The following ATF2 variants were observed in gnomAD, a reference collection of about 807,000 sequenced individuals.
The protein encoded by ATF2 is cyclic AMP-dependent transcription factor ATF-2.
A neutral mutation model predicts 60.6 loss-of-function variants in ATF2; 24 were observed. The ratio of observed to expected loss-of-function variants is 0.40; its 90% CI spans 0.29 to 0.56. The LOEUF is 0.56. Ranked by LOEUF, ATF2 falls within the 20% of genes least tolerant of loss-of-function variation. The probability of loss-of-function intolerance (pLI) is 0.54; values close to 1 mark genes in which losing one functional copy is unlikely to be tolerated. For synonymous variants in ATF2, 206 were observed against 215.4 expected (o/e 0.96, Z 0.38); for missense variants, 433 against 607.7 (o/e 0.71, Z 3.02).
At chr2:175,167,916 G>C in intron 1 of ATF2, 134 bp downstream of exon 1, 1 of 369,292 alleles carries the variant, frequency 2.7e-6, no homozygotes, top group Non-Finnish European at 5.6e-6. Flanking sequence ...GGGCTAAGGA[G>C]CACGTCAGGA....
At chr2:175,139,745 A>G (rs1191672125) in intron 2 of ATF2, among the ~76,000 whole-genome samples, 1 of 152,166 alleles carries the variant, frequency 6.6e-6, no homozygotes, top group Admixed American at 6.5e-5. Context: ...AAGTGTAAAC[A>G]GATGATTTTT....
chr2:175,117,923 A>G, intron 7 of ATF2, 67 bp downstream of exon 7: 1 of 1,468,600 alleles, frequency 6.8e-7, no homozygotes, highest in South Asian at 1.4e-5. Flanking sequence ...TTTTATGGAG[A>G]TTAAATAGTA....
chr2:175,075,880 A>T (rs986623871), intron 13 of ATF2, among the ~76,000 whole-genome samples: 1 of 152,222 alleles, frequency 6.6e-6, no homozygotes, highest in African/African-American at 2.4e-5. Context: ...CATTTTAAAA[A>T]CAGTATCACA....
chr2:175,118,033 T>A lies in ATF2; in HGVS notation c.404A>T (p.Asp135Val). 6 of 1,612,172 alleles carry A rather than the reference T, an allele frequency of 3.7e-6. No individual in the cohort carries two copies. The highest frequency in any genetic ancestry group is 5.1e-6 in the Non-Finnish European group (6 of 1,178,750). Reference sequence around the variant, plus strand: ...AGACTCTGGGTGAGGTAAAGGACTATCCTGGTGAGTTGTTTCTACAACAGA... The same window carrying A: ...AGACTCTGGGTGAGGTAAAGGACTAACCTGGTGAGTTGTTTCTACAACAGA... ...EPSVVETTHQ[D>V]SPLPHPESTT... The change falls in exon 7 of 14, where the codon GAT becomes GTT. Residue 135 changes from aspartate (D) to valine (V), a missense_variant. Physicochemically the swap from Asp to Val is radical, Grantham distance 152. Around this residue, in one of 5 missense-constraint regions of ATF2, gnomAD observed 246 missense variants for 309.3 expected, o/e 0.80. Coordinates refer to ENST00000264110, the MANE Select transcript of ATF2 (RefSeq NM_001880.4).
chr2:175,142,835 A>AGAGTGT (rs1553514079), intron 2 of ATF2, among the ~76,000 whole-genome samples: 4 of 140,394 alleles, frequency 2.8e-5, no homozygotes, highest in South Asian at 2.2e-4. Flanking sequence ...CAAGAGAGAG[A>AGAGTGT]GTGTGTGTGT....
rs770812859 is a variant in ATF2 at position 175,130,219 on chromosome 2, C to T, written c.33-12G>A. The T allele has an allele frequency of 1.3e-6, 2 of 1,518,888 alleles. No individual in the cohort carries two copies. The highest frequency in any genetic ancestry group is 4.6e-5 in the East Asian group (2 of 43,238). 94.1% of individuals were successfully genotyped at this position (1,518,888 alleles called of 1,614,324 possible). On this transcript the variant is annotated splice_polypyrimidine_tract_variant and intron_variant, in intron 3 of 13. Coordinates refer to ENST00000264110, the MANE Select transcript of ATF2 (RefSeq NM_001880.4). ...GGTCCTTGTATTGCCTATAATCAAACAGAAGACACTTTAGAGTACATATTT... is the reference window on the plus strand; with the variant it reads ...GGTCCTTGTATTGCCTATAATCAAATAGAAGACACTTTAGAGTACATATTT...
At chr2:175,101,464 C>T (rs1371374508) in intron 10 of ATF2, among the ~76,000 whole-genome samples, 1 of 151,770 alleles carries the variant, frequency 6.6e-6, no homozygotes, top group Non-Finnish European at 1.5e-5. Context: ...TTAAAATGTG[C>T]ACAAATATAA....
intron 10 of ATF2, among the ~76,000 whole-genome samples, chr2:175,100,552 G>A (rs757124722): frequency 2.0e-5 from 3 of 152,144 alleles, no homozygotes; most frequent in African/African-American, 4.8e-5. Flanking sequence ...TTTATTCAAA[G>A]ACCTGTGCTA....
chr2:175,088,169 A>T (rs1694294059), intron 12 of ATF2, among the ~76,000 whole-genome samples: 1 of 152,182 alleles, frequency 6.6e-6, no homozygotes, highest in Non-Finnish European at 1.5e-5. Context: ...TTCAAATGTA[A>T]GTATTAGATC....
At chr2:175,135,639 G>A (rs961181363) in intron 3 of ATF2, among the ~76,000 whole-genome samples, 2 of 152,148 alleles carry the variant, frequency 1.3e-5, no homozygotes, top group African/African-American at 4.8e-5. Context: ...GAGGGTTGCT[G>A]TTTTCCATTA....
chr2:175,163,277 C>A (rs1314085797), intron 1 of ATF2, among the ~76,000 whole-genome samples: 2 of 151,958 alleles, frequency 1.3e-5, no homozygotes, highest in African/African-American at 4.8e-5. Flanking sequence ...ACAAAGGTTT[C>A]GGTTCTGCTA....
At chr2:175,111,847 T>C (rs962218479) in intron 9 of ATF2, among the ~76,000 whole-genome samples, 193 bp from the exon 10 acceptor site, 55 of 142,006 alleles carry the variant, frequency 3.9e-4, no homozygotes, top group African/African-American at 1.6e-3. Flanking sequence ...TGTCAATTTC[T>C]GAGACGTGTG....
intron 4 of ATF2, among the ~76,000 whole-genome samples, chr2:175,121,836 G>T (rs1056617958): frequency 2.0e-5 from 3 of 151,680 alleles, no homozygotes; most frequent in African/African-American, 7.2e-5. Flanking sequence ...ATTTCTTATG[G>T]ATACTAAAAA....
intron 2 of ATF2, among the ~76,000 whole-genome samples, chr2:175,149,088 A>G (rs1199722893): frequency 6.6e-6 from 1 of 152,072 alleles, no homozygotes; most frequent in African/African-American, 2.4e-5. Context: ...TCAACAGGAT[A>G]GAAGATTAAG....
intron 11 of ATF2, among the ~76,000 whole-genome samples, chr2:175,097,194 A>G (rs1153683): frequency 0.094 from 14,270 of 152,256 alleles, 721 homozygotes; most frequent in Middle Eastern, 0.17. Flanking sequence ...GTTTTCTTTA[A>G]AAAGAATTGT....
chr2:175,165,001 C>T (rs1700257981), intron 1 of ATF2, among the ~76,000 whole-genome samples: 2 of 152,026 alleles, frequency 1.3e-5, no homozygotes, highest in African/African-American at 2.4e-5. Flanking sequence ...GGATTGCAGG[C>T]GCCTACCAAC....
chr2:175,076,638 T>C (rs1355706282), intron 13 of ATF2, among the ~76,000 whole-genome samples: 1 of 151,996 alleles, frequency 6.6e-6, no homozygotes, highest in Non-Finnish European at 1.5e-5. Flanking sequence ...ATAGCCAATA[T>C]AATCATTACA....
rs1450911698 is a variant in ATF2, at chr2:175,084,314, T to C, written c.1186-3549A>G. On this transcript the variant is annotated intron_variant, in intron 12 of 13. Transcript: ENST00000264110. The stretch of plus-strand genomic sequence containing the variant: ...TACACCATGGAATACTATGCAGCCA[T>C]AAAAAATGATGTGTTCATGTCCTTT... Among the ~76,000 whole-genome samples, 3 of 151,696 alleles carry C rather than the reference T, an allele frequency of 2.0e-5. No individual in the cohort carries two copies. In the East Asian group the frequency reaches 5.8e-4, roughly 29 times the overall value.
At chr2:175,102,846 G>A (rs1695399581) in intron 10 of ATF2, among the ~76,000 whole-genome samples, 1 of 151,758 alleles carries the variant, frequency 6.6e-6, no homozygotes, top group Non-Finnish European at 1.5e-5. Flanking sequence ...TTAAAGTAAA[G>A]GTAGACTTTG....
Sources: gnomAD v4.1 joint callset for allele counts (sites outside exome capture counted in the v4.1 genomes callset) on GRCh38, gnomAD v4.1.1 for gene constraint, gnomAD v4.1.1 regional missense constraint, MANE v1.5 for transcripts, NCBI Gene and HGNC (gene_info 2026-07-23, HGNC 2026-07-21) for gene names.